Variants in VAV3 observed in about 807,000 individuals in gnomAD.
VAV3 encodes vav guanine nucleotide exchange factor 3.
In VAV3, 94 loss-of-function variants were observed where a neutral mutation model predicts 131.2. The ratio of observed to expected loss-of-function variants is 0.72; its 90% CI spans 0.61 to 0.85. The LOEUF (loss-of-function observed/expected upper bound fraction) is 0.85. Among genes scored for constraint, VAV3 ranks in the 40% least tolerant of loss-of-function variants. VAV3 has a pLI of 0.00. For synonymous variants in VAV3, 349 were observed against 342.0 expected, an observed-to-expected ratio of 1.02 and a Z score of -0.22; for missense variants, 939 against 1,002.7, an observed-to-expected ratio of 0.94 and a Z score of 0.86.
At chr1:107,919,139 T>C (rs1259279774) in intron 1 of VAV3, among the ~76,000 whole-genome samples, 1 of 152,246 alleles carries the variant, frequency 6.6e-6, no homozygotes, top group Non-Finnish European at 1.5e-5. Flanking sequence ...ACTCAATAGT[T>C]ATTCTAAAAA....
rs115208536 is a variant in VAV3 at position 107,899,217 on chromosome 1, T to C, written c.205-24200A>G. On this transcript the variant is annotated intron_variant, in intron 1 of 26. Coordinates refer to ENST00000370056, the MANE Select transcript of VAV3 (RefSeq NM_006113.5). ...TAAAAATAAATTATGAAAGTATCTA[T>C]TTCTTTTACTAAGCATCTAGAAATA... is the stretch of plus-strand genomic sequence containing the variant. 6.7e-3 allele frequency among the ~76,000 whole-genome samples: 1,016 copies of C among 152,332 alleles called. 8 individuals are homozygous for C. The highest frequency in any genetic ancestry group is 0.023 in the African/African-American group (960 of 41,584).
intron 2 of VAV3, among the ~76,000 whole-genome samples, chr1:107,843,486 CT>C (rs1313796517): frequency 1.4e-5 from 2 of 148,002 alleles, no homozygotes; most frequent in Non-Finnish European, 3.0e-5. Context: ...AGACTTTTGT[CT>C]TAGAATTACA....
intron 1 of VAV3, among the ~76,000 whole-genome samples, chr1:107,882,774 C>A (rs1670844193): frequency 6.6e-6 from 1 of 152,288 alleles, no homozygotes; most frequent in Admixed American, 6.5e-5. Flanking sequence ...GAAGGGGCAT[C>A]ATCATCCTCA....
At chr1:107,713,421 G>A (rs1429399512) in intron 15 of VAV3, among the ~76,000 whole-genome samples, 3 of 151,790 alleles carry the variant, frequency 2.0e-5, no homozygotes, top group African/African-American at 7.3e-5. Flanking sequence ...AATATGTATG[G>A]TAAAAGATTA....
intron 4 of VAV3, among the ~76,000 whole-genome samples, chr1:107,774,214 G>A (rs1054397803): frequency 2.6e-5 from 4 of 151,918 alleles, no homozygotes; most frequent in African/African-American, 7.3e-5. Context: ...TTACAGGCAC[G>A]CACCACCATG....
At chr1:107,722,178 C>A (rs533227483) in intron 15 of VAV3, among the ~76,000 whole-genome samples, 1 of 152,320 alleles carries the variant, frequency 6.6e-6, no homozygotes, top group Non-Finnish European at 1.5e-5. Flanking sequence ...CAGCCTCATT[C>A]TCCACTGTGA....
At chr1:107,814,676 A>G (rs1667486751) in intron 2 of VAV3, among the ~76,000 whole-genome samples, 2 of 152,058 alleles carry the variant, frequency 1.3e-5, no homozygotes, top group Admixed American at 1.3e-4. Context: ...TGTGCTTCTG[A>G]TGTCTTAGCC....
At chr1:107,728,607 GTATA>G (rs1662009596) in intron 15 of VAV3, among the ~76,000 whole-genome samples, 1 of 96,480 alleles carries the variant, frequency 1.0e-5, no homozygotes, top group Non-Finnish European at 2.5e-5. Context: ...ATACGTATAT[GTATA>G]TGTATATGTA....
chr1:107,801,662 C>G (rs1282769715), intron 2 of VAV3, among the ~76,000 whole-genome samples: 2 of 152,126 alleles, frequency 1.3e-5, no homozygotes, highest in Non-Finnish European at 2.9e-5. Flanking sequence ...TCCAGCTGTT[C>G]TGTATCTCAC....
chr1:107,579,482 T>C (rs550268153), intron 25 of VAV3, among the ~76,000 whole-genome samples: 1 of 152,326 alleles, frequency 6.6e-6, no homozygotes, highest in African/African-American at 2.4e-5. Context: ...CTTGCAAAGT[T>C]AGTACACCGT....
At chr1:107,659,903 G>A (rs562638650) in intron 19 of VAV3, among the ~76,000 whole-genome samples, 20 of 152,188 alleles carry the variant, frequency 1.3e-4, no homozygotes, top group Admixed American at 4.6e-4. Context: ...TCCCTCATCC[G>A]CACAATGTTA....
intron 1 of VAV3, among the ~76,000 whole-genome samples, chr1:107,888,603 T>C (rs1306425546): frequency 6.6e-6 from 1 of 152,040 alleles, no homozygotes; most frequent in Non-Finnish European, 1.5e-5. Context: ...GGATGACAGG[T>C]GCCCGCCAAC....
intron 15 of VAV3, among the ~76,000 whole-genome samples, chr1:107,710,034 G>T (rs558425831): frequency 6.6e-6 from 1 of 152,170 alleles, no homozygotes; most frequent in East Asian, 1.9e-4. Flanking sequence ...TAATACATAT[G>T]ATTTTTAAAA....
intron 2 of VAV3, among the ~76,000 whole-genome samples, chr1:107,846,978 C>G (rs1443416993): frequency 6.6e-6 from 1 of 152,156 alleles, no homozygotes; most frequent in Non-Finnish European, 1.5e-5. Context: ...ATAATCTTCT[C>G]AGCACCACAT....
intron 1 of VAV3, among the ~76,000 whole-genome samples, chr1:107,910,931 T>C (rs763481875): frequency 2.0e-5 from 3 of 151,602 alleles, no homozygotes; most frequent in Admixed American, 6.6e-5. Flanking sequence ...AGTGGGCCGG[T>C]ATCACACCAT....
chr1:107,853,207 A>G (rs1241056048), intron 2 of VAV3, among the ~76,000 whole-genome samples: 1 of 152,162 alleles, frequency 6.6e-6, no homozygotes, highest in Non-Finnish European at 1.5e-5. Flanking sequence ...ATCCGACCCC[A>G]TGGGTTCAAA....
At chr1:107,647,294 C>T (rs1267147134) in intron 19 of VAV3, among the ~76,000 whole-genome samples, 1 of 150,586 alleles carries the variant, frequency 6.6e-6, no homozygotes, top group Non-Finnish European at 1.5e-5. Context: ...AAAATCTAAA[C>T]ACAGCCACAT....
At chr1:107,852,645 C>T (rs943820579) in intron 2 of VAV3, among the ~76,000 whole-genome samples, 3 of 152,096 alleles carry the variant, frequency 2.0e-5, no homozygotes, top group African/African-American at 7.2e-5. Context: ...CAACTTTCTT[C>T]TATTGAATGG....
chr1:107,956,818 G>T (rs1278304967), intron 1 of VAV3, among the ~76,000 whole-genome samples: 2 of 152,070 alleles, frequency 1.3e-5, no homozygotes, highest in African/African-American at 2.4e-5. Context: ...CAGCAGCTCA[G>T]TTGTAAGCAG....
Sources: allele counts gnomAD v4.1 joint callset (sites outside exome capture counted in the v4.1 genomes callset), GRCh38; gene constraint gnomAD v4.1.1; transcripts MANE v1.5; gene names NCBI Gene and HGNC (gene_info 2026-07-23, HGNC 2026-07-21).